TMEM132D: variants seen among roughly 807,000 people sequenced by gnomAD.
TMEM132D encodes the protein transmembrane protein 132D.
In TMEM132D, 21 loss-of-function variants were observed where a neutral mutation model predicts 62.3. The observed-to-expected ratio is 0.34, with a 90% CI of 0.24 to 0.49. The LOEUF (loss-of-function observed/expected upper bound fraction) is 0.49, where lower values mean the gene tolerates loss of function less well. Ranked by LOEUF, TMEM132D falls within the 20% of genes least tolerant of loss-of-function variation. The pLI is 0.99. For missense variants in TMEM132D, 1,346 were observed against 1,402.8 expected (o/e 0.96, Z 0.65); for synonymous variants, 621 against 575.6 (o/e 1.08, Z -1.13).
chr12:129,724,999 G>A (rs1469112840), intron 1 of TMEM132D, among the ~76,000 whole-genome samples: 3 of 152,178 alleles, frequency 2.0e-5, no homozygotes, highest in African/African-American at 7.2e-5. Context: ...ACTACTTCCA[G>A]GCCTGGCCCC....
At chr12:129,206,233 T>G (rs923549319) in intron 5 of TMEM132D, among the ~76,000 whole-genome samples, 1 of 152,172 alleles carries the variant, frequency 6.6e-6, no homozygotes, top group Admixed American at 6.5e-5. Flanking sequence ...ATCCCGCACC[T>G]GTAAGGAAAA....
At chr12:129,781,350 G>A (rs1016186122) in intron 1 of TMEM132D, among the ~76,000 whole-genome samples, 9 of 152,292 alleles carry the variant, frequency 5.9e-5, no homozygotes, top group African/African-American at 1.7e-4. Context: ...AAACTCTGAT[G>A]ATGGTCAGGT....
chr12:129,420,892 T>C (rs1462786507), intron 3 of TMEM132D, among the ~76,000 whole-genome samples: 1 of 152,178 alleles, frequency 6.6e-6, no homozygotes, highest in African/African-American at 2.4e-5. Flanking sequence ...GGGTTTTTTA[T>C]ATAATCTCTA....
At chr12:129,738,966 T>C (rs1028495752) in intron 1 of TMEM132D, among the ~76,000 whole-genome samples, 14 of 151,902 alleles carry the variant, frequency 9.2e-5, no homozygotes, top group Non-Finnish European at 1.5e-4. Flanking sequence ...GTAGGGAGAT[T>C]TACTTGGAAC....
At chr12:129,834,332 G>T (rs1872935522) in intron 1 of TMEM132D, among the ~76,000 whole-genome samples, 1 of 151,856 alleles carries the variant, frequency 6.6e-6, no homozygotes, top group African/African-American at 2.4e-5. Flanking sequence ...TGGACAATTA[G>T]TCCACCACCA....
chr12:129,135,333 G>A (rs1482722220), intron 5 of TMEM132D, among the ~76,000 whole-genome samples: 1 of 152,188 alleles, frequency 6.6e-6, no homozygotes, highest in African/African-American at 2.4e-5. Flanking sequence ...GGGAATCACT[G>A]ATTAAGGGAT....
chr12:129,605,604 T>TATATATATATATATACAC (rs150550863), intron 2 of TMEM132D, among the ~76,000 whole-genome samples: 7 of 106,300 alleles, frequency 6.6e-5, no homozygotes, highest in African/African-American at 2.7e-4. Flanking sequence ...TATATATATA[T>TATATATATATATATACAC]ACACACACAT....
intron 7 of TMEM132D, among the ~76,000 whole-genome samples, 186 bp from the exon 8 acceptor site, chr12:129,078,911 C>T (rs1011278805): frequency 1.3e-5 from 2 of 152,136 alleles, no homozygotes; most frequent in African/African-American, 2.4e-5. Flanking sequence ...AAATGTAATG[C>T]ATTTTTTGCA....
At chr12:129,497,294 C>A (rs1874989023) in intron 3 of TMEM132D, among the ~76,000 whole-genome samples, 1 of 152,076 alleles carries the variant, frequency 6.6e-6, no homozygotes, top group Non-Finnish European at 1.5e-5. Context: ...GGCAACAGAG[C>A]AAGACTGTCT....
chr12:129,075,169 C>A, intron 8 of TMEM132D, 110 bp from the exon 9 acceptor site: 1 of 795,424 alleles, frequency 1.3e-6, no homozygotes, highest in East Asian at 2.7e-5. Context: ...AGAACAAAGA[C>A]AAACCTTTCA....
chr12:129,548,213 A>G (rs1167388861), intron 2 of TMEM132D, among the ~76,000 whole-genome samples: 1 of 152,138 alleles, frequency 6.6e-6, no homozygotes, highest in Non-Finnish European at 1.5e-5. Flanking sequence ...CCTCTCCCAG[A>G]TTAGGGTCTC....
At chr12:129,180,365 T>C (rs12422603) in intron 5 of TMEM132D, among the ~76,000 whole-genome samples, 73,326 of 152,078 alleles carry the variant, frequency 0.48, 17,857 homozygotes, top group East Asian at 0.63. Context: ...TCTATGGTTC[T>C]GTGATGAGTC....
At chr12:129,545,943 G>A (rs950959472) in intron 2 of TMEM132D, among the ~76,000 whole-genome samples, 2 of 152,132 alleles carry the variant, frequency 1.3e-5, no homozygotes, top group Non-Finnish European at 2.9e-5. Flanking sequence ...GTCTACATGG[G>A]AATCATAGCA....
At chr12:129,171,737 T>C (rs1274153283) in intron 5 of TMEM132D, among the ~76,000 whole-genome samples, 2 of 152,190 alleles carry the variant, frequency 1.3e-5, no homozygotes, top group Admixed American at 6.5e-5. Flanking sequence ...TTGAAAGAAA[T>C]CTTTTCTTCT....
In TMEM132D at chr12:129,713,505, C is replaced by CT. The variant is rs554087748; in HGVS notation, c.80-12808dup. Reference sequence around the variant, plus strand: ...AGGAGGGAAAACAAATCCAAGGCAACTTTTTTTTCTTAAACCATAACCAGC... The same window carrying CT: ...AGGAGGGAAAACAAATCCAAGGCAACTTTTTTTTTCTTAAACCATAACCAGC... On this transcript the variant is annotated intron_variant, in intron 1 of 8. Transcript: ENST00000422113. Among the ~76,000 whole-genome samples the CT allele has an allele frequency of 8.6e-5, 13 of 151,920 alleles. No homozygotes were observed. In the East Asian group the frequency reaches 1.9e-3, roughly 23 times the overall value.
At chr12:129,574,055 A>T (rs952970531) in intron 2 of TMEM132D, among the ~76,000 whole-genome samples, 1 of 151,934 alleles carries the variant, frequency 6.6e-6, no homozygotes, top group Non-Finnish European at 1.5e-5. Flanking sequence ...TACATTTAAG[A>T]TGTCTGCATT....
chr12:129,430,343 G>A (rs1216525617), intron 3 of TMEM132D, among the ~76,000 whole-genome samples: 1 of 152,112 alleles, frequency 6.6e-6, no homozygotes, highest in African/African-American at 2.4e-5. Flanking sequence ...GTGATGATGA[G>A]CATTTTTTCA....
At chr12:129,324,746 T>C (rs1367006620) in intron 4 of TMEM132D, among the ~76,000 whole-genome samples, 1 of 152,080 alleles carries the variant, frequency 6.6e-6, no homozygotes, top group African/African-American at 2.4e-5. Flanking sequence ...AGGGATTGCT[T>C]GAACCTGGGA....
intron 3 of TMEM132D, among the ~76,000 whole-genome samples, chr12:129,449,593 A>G (rs1873207126): frequency 6.6e-6 from 1 of 152,196 alleles, no homozygotes; most frequent in South Asian, 2.1e-4. Context: ...ACTTGTCCAA[A>G]TTCAACTTCA....
Sources: allele counts gnomAD v4.1 joint callset (sites outside exome capture counted in the v4.1 genomes callset), GRCh38; gene constraint gnomAD v4.1.1; transcripts MANE v1.5; gene names NCBI Gene and HGNC (gene_info 2026-07-23, HGNC 2026-07-21).